TMEM168: variants seen among roughly 807,000 people sequenced by gnomAD.
TMEM168 encodes the protein transmembrane protein 168.
In TMEM168, 40 loss-of-function variants were observed where a neutral mutation model predicts 53.2. The observed-to-expected ratio is 0.75, with a 90% CI of 0.58 to 0.98. The LOEUF is 0.98. Ranked by LOEUF, TMEM168 falls within the 50% of genes least tolerant of loss-of-function variation. The pLI, the probability that TMEM168 is intolerant of heterozygous loss-of-function variation, is 0.00. For synonymous variants in TMEM168, 282 were observed against 293.0 expected, an observed-to-expected ratio of 0.96 and a Z score of 0.38; for missense variants, 771 against 828.8, an observed-to-expected ratio of 0.93 and a Z score of 0.86.
chr7:112,772,814 G>A lies in TMEM168; in HGVS notation c.1513C>T (p.His505Tyr). The change falls in exon 4 of 5, where the codon CAC becomes TAC. Residue 505 changes from histidine (H) to tyrosine (Y), a missense_variant. His to Tyr is a moderately conservative substitution (Grantham distance 83). Transcript: ENST00000312814. ...GCCCACTCTCCTGTACCATGGGTGT[G>A]CCCACTGTAATACAAAATATACGTA... Reference protein sequence around the residue: ...HDTYILYYSGHTHGTGEWALA... With the variant: ...HDTYILYYSGYTHGTGEWALA... The A allele has an allele frequency of 6.2e-7, 1 of 1,614,018 alleles. No homozygotes were observed. Among genetic ancestry groups the A allele is most frequent in the Non-Finnish European group, 8.5e-7 (1 of 1,179,926 alleles).
Position 112,767,203 on chromosome 7 carries a change from T to A in TMEM168, c.2088A>T (p.Lys696Asn). ...TCCCGCTTTGGGGTCCAAATTAAGA[T>A]TTGACAAGTTTGAAGCCTTGTCCTG... Reference protein sequence around the residue: ...LDTGQGFKLVKS With the variant: ...LDTGQGFKLVNS Residue 696 changes from lysine (K) to asparagine (N), a missense_variant, in exon 5 of 5, where the codon AAA becomes AAT. Transcript: ENST00000312814. The A allele has an allele frequency of 6.2e-7, 1 of 1,608,196 alleles. No individual in the cohort carries two copies. Among genetic ancestry groups the A allele is most frequent in the Non-Finnish European group, 8.5e-7 (1 of 1,177,408 alleles).
Position 112,765,530 on chromosome 7 carries a change from ACATTTG to A in TMEM168, c.*1661_*1666del, listed in dbSNP as rs939130532. On this transcript the variant is annotated 3_prime_UTR_variant, in exon 5 of 5. Transcript: ENST00000312814. ...TTTAAGCTAAAAGCTCATAATTTTA[ACATTTG>A]GCTTTTCTACTACCCTACTGCTGAA... The A allele has an allele frequency of 2.0e-5, 3 of 152,186 alleles. No individual in the cohort carries two copies. The highest frequency in any genetic ancestry group is 4.8e-5 in the African/African-American group (2 of 41,450). The allele number at this position is 152,186 out of a possible 1,614,324, so 9.4% of individuals were successfully genotyped here.
chr7:112,767,507 T>C lies in TMEM168; in HGVS notation c.1784A>G (p.Tyr595Cys), dbSNP rs745417299. 11 of 1,614,084 alleles carry C rather than the reference T, an allele frequency of 6.8e-6. No individual in the cohort carries two copies. The Admixed American group carries it at 1.2e-4, about 17-fold the overall frequency. ...GATGTTATTACTGGAGTTGCAGTTATATTCTACCCAGTCTTTTGTAAAGTC... is the reference window on the plus strand; with the variant it reads ...GATGTTATTACTGGAGTTGCAGTTACATTCTACCCAGTCTTTTGTAAAGTC... ...LGDFTKDWVE[Y>C]NCNSSNNICW... Residue 595 changes from tyrosine to cysteine, a missense_variant, in exon 5 of 5, where the codon TAT becomes TGT. By Grantham distance (194) the Tyr-to-Cys change is radical. Coordinates refer to ENST00000312814, the MANE Select transcript of TMEM168 (RefSeq NM_022484.6).
Position 112,764,106 on chromosome 7 carries a change from A to G in TMEM168, c.*3091T>C, listed in dbSNP as rs1460664007. 6.6e-6 allele frequency: 1 copy of G among 150,766 alleles called. No individual in the cohort carries two copies. Among genetic ancestry groups the G allele is most frequent in the African/African-American group, 2.4e-5 (1 of 41,148 alleles). 9.3% of individuals were successfully genotyped at this position (150,766 alleles called of 1,614,324 possible). A position where few individuals can be genotyped will look rare whatever the true frequency, so the allele number is the denominator to read the frequency against. On this transcript the variant is annotated 3_prime_UTR_variant, in exon 5 of 5. Coordinates refer to ENST00000312814, the MANE Select transcript of TMEM168 (RefSeq NM_022484.6). ...CAGTGTGTATGCTATTTGCACATGTACCCTAAAACTTAAAGTATAATAATA... is the reference window on the plus strand; with the variant it reads ...CAGTGTGTATGCTATTTGCACATGTGCCCTAAAACTTAAAGTATAATAATA...
chr7:112,772,745 T>C lies in TMEM168; in HGVS notation c.1546+36A>G, dbSNP rs373475215. The stretch of plus-strand genomic sequence containing the variant: ...ACAGATTTCTACATATACATGTGTA[T>C]CTTTACAATAGTGAAACTGCCAAAG... On this transcript the variant is annotated intron_variant, in intron 4 of 4. Coordinates refer to ENST00000312814, the MANE Select transcript of TMEM168 (RefSeq NM_022484.6). 34 of 1,592,568 alleles carry C rather than the reference T, an allele frequency of 2.1e-5. No homozygotes were observed. The African/African-American group carries it at 3.5e-4, about 16-fold the overall frequency.
rs749188701 is a variant in TMEM168, at chr7:112,784,854, C to T, written c.-29G>A. ...ACCAGCAATGTGGGCTTTTCCCTCA[C>T]GTTACAAAAATTAACCGCTTGTATT... On this transcript the variant is annotated 5_prime_UTR_variant, in exon 2 of 5. It adds an upstream start codon to the 5' untranslated region. Coordinates refer to ENST00000312814, the MANE Select transcript of TMEM168 (RefSeq NM_022484.6). 2.9e-5 allele frequency: 44 copies of T among 1,510,120 alleles called. No individual in the cohort carries two copies. In the East Asian group the frequency reaches 3.2e-4, roughly 11 times the overall value. 93.5% of individuals were successfully genotyped at this position (1,510,120 alleles called of 1,614,324 possible). A position where few individuals can be genotyped will look rare whatever the true frequency, so the allele number is the denominator to read the frequency against.
chr7:112,781,702 T>TAA (rs201538838), intron 2 of TMEM168, among the ~76,000 whole-genome samples: 3 of 140,476 alleles, frequency 2.1e-5, no homozygotes, highest in Non-Finnish European at 1.6e-5. Context: ...ATCTATATAT[T>TAA]AAAAAAAAAA....
At chr7:112,786,296 C>A (rs542367028) in intron 1 of TMEM168, among the ~76,000 whole-genome samples, 65 of 152,224 alleles carry the variant, frequency 4.3e-4, no homozygotes, top group African/African-American at 1.5e-3. Context: ...AACATGAGAA[C>A]CTGGAATCAA....
In TMEM168 at chr7:112,790,234, G is replaced by A. The variant is rs912841128; in HGVS notation, c.-203C>T. The stretch of plus-strand genomic sequence containing the variant: ...TCCAAAACCAAACCAAAAAGGAGGA[G>A]AGCAGACAAGGCTTCAGCCTGCGAC... On this transcript the variant is annotated 5_prime_UTR_variant, in exon 1 of 5. Transcript: ENST00000312814. 1 of 152,720 alleles carries A rather than the reference G, an allele frequency of 6.5e-6. No individual in the cohort carries two copies. Among genetic ancestry groups the A allele is most frequent in the East Asian group, 1.9e-4 (1 of 5,202 alleles). 9.5% of individuals were successfully genotyped at this position (152,720 alleles called of 1,614,324 possible).
At chr7:112,770,888 G>GT (rs1432741352) in intron 4 of TMEM168, among the ~76,000 whole-genome samples, 1 of 152,048 alleles carries the variant, frequency 6.6e-6, no homozygotes, top group Non-Finnish European at 1.5e-5. Context: ...AATTAGCCCT[G>GT]TTTTTTCCAT....
chr7:112,769,932 G>A (rs1474844047), intron 4 of TMEM168, among the ~76,000 whole-genome samples: 2 of 152,086 alleles, frequency 1.3e-5, no homozygotes, highest in Non-Finnish European at 2.9e-5. Flanking sequence ...GGCAAATATA[G>A]ATTCTCTTTC....
intron 1 of TMEM168, among the ~76,000 whole-genome samples, chr7:112,787,244 C>G (rs1346778783): frequency 6.6e-5 from 10 of 152,194 alleles, no homozygotes; most frequent in African/African-American, 2.4e-4. Context: ...TTAGTTGCTT[C>G]ACTTCTTACC....
intron 1 of TMEM168, among the ~76,000 whole-genome samples, chr7:112,787,463 T>C (rs1404258774): frequency 6.6e-6 from 1 of 152,158 alleles, no homozygotes; most frequent in East Asian, 1.9e-4. Flanking sequence ...CACTGCAACC[T>C]CCGACTATCG....
At chr7:112,780,033 G>T (rs886974433) in intron 2 of TMEM168, among the ~76,000 whole-genome samples, 1 of 152,134 alleles carries the variant, frequency 6.6e-6, no homozygotes, top group African/African-American at 2.4e-5. Context: ...TCAAAACTTT[G>T]CTTGTTTCAG....
chr7:112,767,967 A>T (rs1253769301), intron 4 of TMEM168, among the ~76,000 whole-genome samples: 3 of 152,218 alleles, frequency 2.0e-5, no homozygotes, highest in African/African-American at 7.2e-5. Context: ...TGAGGTAAAA[A>T]AAATCCTTAT....
chr7:112,781,565 C>A (rs1409008451), intron 2 of TMEM168, among the ~76,000 whole-genome samples: 2 of 151,906 alleles, frequency 1.3e-5, no homozygotes, highest in African/African-American at 4.8e-5. Context: ...ACATATAGGT[C>A]AATATAACAA....
chr7:112,781,043 A>G (rs1793217766), intron 2 of TMEM168, among the ~76,000 whole-genome samples: 1 of 151,956 alleles, frequency 6.6e-6, no homozygotes, highest in African/African-American at 2.4e-5. Context: ...GCTGTTTACC[A>G]TAATTACAAG....
rs759558720 is a variant in TMEM168 at position 112,784,685 on chromosome 7, A to G, written c.141T>C (p.Ala47=). ...ATCTTACGTATAGACCTAAGCATAT[A>G]GCAACCAATAAATTGATTCTGGCTA... The part of the protein sequence containing the change: ...GYLARINLLV[A]ICLGLYVRWE... The change falls in exon 2 of 5, where the codon GCT becomes GCC. Residue 47 remains alanine, a synonymous_variant. Transcript: ENST00000312814. The G allele has an allele frequency of 1.2e-6, 2 of 1,614,078 alleles. No homozygotes were observed.
At chr7:112,773,877 T>A (rs1044416396) in intron 3 of TMEM168, among the ~76,000 whole-genome samples, 1 of 152,170 alleles carries the variant, frequency 6.6e-6, no homozygotes, top group African/African-American at 2.4e-5. Flanking sequence ...ATTAAAAAAA[T>A]TACAATGGAA....
Sources: gnomAD v4.1 joint callset for allele counts (sites outside exome capture counted in the v4.1 genomes callset) on GRCh38, gnomAD v4.1.1 for gene constraint, MANE v1.5 for transcripts, NCBI Gene and HGNC (gene_info 2026-07-23, HGNC 2026-07-21) for gene names.